Variants in ZC3H12B observed in about 807,000 individuals in gnomAD.
ZC3H12B encodes probable ribonuclease ZC3H12B.
ZC3H12B carries 7 observed loss-of-function variants against 43.9 expected under a neutral mutation model. The observed-to-expected ratio is 0.16, with a 90% CI of 0.09 to 0.30. The LOEUF (loss-of-function observed/expected upper bound fraction) is 0.30. ZC3H12B is among the 10% of genes least tolerant of loss of function. The pLI is 1.00. For missense variants in ZC3H12B, 475 were observed against 670.2 expected, an observed-to-expected ratio of 0.71 and a Z score of 3.22; for synonymous variants, 222 against 241.7, an observed-to-expected ratio of 0.92 and a Z score of 0.76.
chrX:65,414,848 T>C (rs781139912), intron 3 of ZC3H12B, among the ~76,000 whole-genome samples: 5 of 112,285 alleles, frequency 4.5e-5, no homozygotes, highest in African/African-American at 6.5e-5. Context: ...AGTAGGTGTA[T>C]ATACTTATGG....
At chrX:65,414,588 G>T (rs2066939450) in intron 3 of ZC3H12B, among the ~76,000 whole-genome samples, 1 of 111,399 alleles carries the variant, frequency 9.0e-6, no homozygotes, top group Admixed American at 9.6e-5. Flanking sequence ...TTTCTTGGTT[G>T]GTCATTCCTC....
the ZC3H12B span, among the ~76,000 whole-genome samples, chrX:65,096,447 A>G: frequency 2.7e-5 from 3 of 112,198 alleles, no homozygotes; most frequent in South Asian, 1.1e-3. Context: ...GTAAGAATAG[A>G]TTAGTAATGT....
At chrX:65,376,011 C>A (rs1272186670) in intron 2 of ZC3H12B, among the ~76,000 whole-genome samples, 9 of 112,273 alleles carry the variant, frequency 8.0e-5, no homozygotes. Flanking sequence ...TGATTCCAGA[C>A]CATGGCTCTT....
intron 3 of ZC3H12B, among the ~76,000 whole-genome samples, chrX:65,407,776 G>A (rs931721550): frequency 1.8e-5 from 2 of 113,477 alleles, no homozygotes; most frequent in Non-Finnish European, 3.8e-5. Flanking sequence ...CGGGGGGTTG[G>A]AGCACTGCCC....
chrX:65,429,862 T>G (rs1192673356), intron 3 of ZC3H12B, among the ~76,000 whole-genome samples: 1 of 112,010 alleles, frequency 8.9e-6, no homozygotes, highest in Non-Finnish European at 1.9e-5. Flanking sequence ...TCATTCAGAC[T>G]ACTTGGACTC....
chrX:65,297,710 C>G, the ZC3H12B span, among the ~76,000 whole-genome samples: 9 of 111,378 alleles, frequency 8.1e-5, no homozygotes, highest in South Asian at 3.4e-3. Context: ...ACAAAAGGAA[C>G]AAATCTGGAG....
chrX:65,280,726 T>C, the ZC3H12B span, among the ~76,000 whole-genome samples: 1 of 111,588 alleles, frequency 9.0e-6, no homozygotes, highest in African/African-American at 3.3e-5. Context: ...ATCAGTGGCA[T>C]TGCTGTACAC....
At chrX:65,459,871 G>A (rs1008296684) in intron 3 of ZC3H12B, among the ~76,000 whole-genome samples, 1 of 111,453 alleles carries the variant, frequency 9.0e-6, no homozygotes, top group African/African-American at 3.3e-5. Flanking sequence ...AATTAGGCAG[G>A]AGAAGGAAAT....
At chrX:65,244,132 C>A in the ZC3H12B span, among the ~76,000 whole-genome samples, 1 of 110,797 alleles carries the variant, frequency 9.0e-6, no homozygotes, top group Non-Finnish European at 1.9e-5. Context: ...TGGTACTATC[C>A]CTAACACAAA....
the ZC3H12B span, among the ~76,000 whole-genome samples, chrX:65,253,131 C>T: frequency 8.9e-6 from 1 of 112,006 alleles, no homozygotes; most frequent in East Asian, 2.8e-4. Flanking sequence ...GGAACATCTG[C>T]CACCGAGGGA....
chrX:65,322,619 G>A, the ZC3H12B span, among the ~76,000 whole-genome samples: 3 of 111,934 alleles, frequency 2.7e-5, no homozygotes, highest in East Asian at 8.4e-4. Flanking sequence ...TTTTATGCCA[G>A]TACCATGTTG....
the ZC3H12B span, among the ~76,000 whole-genome samples, chrX:65,197,317 C>T: frequency 5.3e-5 from 6 of 112,325 alleles, no homozygotes; most frequent in East Asian, 1.4e-3. Context: ...AGCTCTCTAG[C>T]TCTGCAGGCA....
At chrX:65,127,800 G>T in the ZC3H12B span, among the ~76,000 whole-genome samples, 1 of 110,857 alleles carries the variant, frequency 9.0e-6, no homozygotes, top group Non-Finnish European at 1.9e-5. Flanking sequence ...TCAGGAAGTA[G>T]GGGAAAGCTG....
chrX:65,388,197 G>T (rs1169428735), intron 2 of ZC3H12B, among the ~76,000 whole-genome samples: 1 of 111,855 alleles, frequency 8.9e-6, no homozygotes, highest in Non-Finnish European at 1.9e-5. Context: ...TGCCTTGCTA[G>T]ATTGGGGAAC....
At chrX:65,293,988 A>G in the ZC3H12B span, among the ~76,000 whole-genome samples, 1 of 111,806 alleles carries the variant, frequency 8.9e-6, no homozygotes, top group African/African-American at 3.2e-5. Context: ...ACATCTAAGT[A>G]CAAGAAGCTC....
chrX:65,096,014 A>G, the ZC3H12B span, among the ~76,000 whole-genome samples: 1 of 111,779 alleles, frequency 8.9e-6, no homozygotes, highest in African/African-American at 3.2e-5. Context: ...AAGACAAAAA[A>G]AATACAGTTT....
intron 3 of ZC3H12B, among the ~76,000 whole-genome samples, chrX:65,410,552 T>C (rs944486258): frequency 9.0e-6 from 1 of 111,534 alleles, no homozygotes; most frequent in Admixed American, 9.5e-5. Flanking sequence ...AGAAGGATAT[T>C]TGCACACCAT....
At chrX:65,300,878 C>A in the ZC3H12B span, among the ~76,000 whole-genome samples, 1 of 110,499 alleles carries the variant, frequency 9.0e-6, no homozygotes, top group Non-Finnish European at 1.9e-5. Context: ...GTGAAAGAAT[C>A]AACAGAGTAA....
the ZC3H12B span, among the ~76,000 whole-genome samples, chrX:65,190,535 T>C: frequency 6.5e-5 from 7 of 107,256 alleles, no homozygotes; most frequent in Non-Finnish European, 1.3e-4. Context: ...GTTGGATTCC[T>C]AGGTATTTTA....
Sources: allele counts gnomAD v4.1 joint callset (sites outside exome capture counted in the v4.1 genomes callset), GRCh38; gene constraint gnomAD v4.1.1; transcripts MANE v1.5; gene names NCBI Gene and HGNC (gene_info 2026-07-23, HGNC 2026-07-21).